The following RAB3GAP2 variants were observed in gnomAD, a reference collection of about 807,000 sequenced individuals.
RAB3GAP2 encodes the protein rab3 GTPase-activating protein non-catalytic subunit.
Under a neutral mutation model 185.3 loss-of-function variants are expected in RAB3GAP2, and 87 were observed. The ratio of observed to expected loss-of-function variants is 0.47; its 90% confidence interval spans 0.39 to 0.56. The LOEUF (loss-of-function observed/expected upper bound fraction) is 0.56. Ranked by LOEUF, RAB3GAP2 falls within the 20% of genes least tolerant of loss-of-function variation. The pLI, the probability that RAB3GAP2 is intolerant of heterozygous loss-of-function variation, is 0.00. For missense variants in RAB3GAP2, 1,492 were observed against 1,638.2 expected (o/e 0.91, Z 1.54); for synonymous variants, 554 against 576.1 (o/e 0.96, Z 0.55).
chr1:220,215,855 C>A (rs1659190658), intron 2 of RAB3GAP2, among the ~76,000 whole-genome samples: 1 of 152,020 alleles, frequency 6.6e-6, no homozygotes, highest in Non-Finnish European at 1.5e-5. Context: ...GAGGGGAAAG[C>A]TATGCAGGTT....
chr1:220,240,230 T>C (rs1015644839), intron 1 of RAB3GAP2, among the ~76,000 whole-genome samples: 3 of 152,190 alleles, frequency 2.0e-5, no homozygotes, highest in African/African-American at 7.2e-5. Flanking sequence ...AAAGTGGCCA[T>C]GTTACAACTG....
chr1:220,179,459 G>A (rs964851697), intron 21 of RAB3GAP2, among the ~76,000 whole-genome samples: 4 of 152,130 alleles, frequency 2.6e-5, no homozygotes, highest in Admixed American at 2.0e-4. Flanking sequence ...GGAATGGACA[G>A]ATCTTCCAGG....
intron 1 of RAB3GAP2, among the ~76,000 whole-genome samples, chr1:220,263,183 T>C (rs1469150209): frequency 6.6e-6 from 1 of 152,144 alleles, no homozygotes; most frequent in Non-Finnish European, 1.5e-5. Context: ...GAATTCTTTA[T>C]ATATTCTGGA....
In RAB3GAP2 at chr1:220,172,846, T is replaced by A. The variant is rs935337514; in HGVS notation, c.2311-104A>T. 3 of 745,234 alleles carry A rather than the reference T, an allele frequency of 4.0e-6. No individual in the cohort carries two copies. The Admixed American group carries it at 6.5e-5, about 16-fold the overall frequency. The allele number at this position is 745,234 out of a possible 1,614,324, so 46.2% of individuals were successfully genotyped here. A position where few individuals can be genotyped will look rare whatever the true frequency, so the allele number is the denominator to read the frequency against. On this transcript the variant is annotated intron_variant, in intron 21 of 34. Transcript: ENST00000358951. ...ATGCATGCATATGGATGATGCAGCT[T>A]CTTGAGGTGAAAAAATTAGTGGTTG...
chr1:220,223,653 C>T (rs1659349023), intron 2 of RAB3GAP2, among the ~76,000 whole-genome samples: 1 of 149,804 alleles, frequency 6.7e-6, no homozygotes, highest in South Asian at 2.1e-4. Context: ...TTTCCCAATA[C>T]AATATTTGTT....
Position 220,174,116 on chromosome 1 carries a change from A to G in RAB3GAP2, c.2311-1374T>C, listed in dbSNP as rs563392196. On this transcript the variant is annotated intron_variant, in intron 21 of 34. Transcript: ENST00000358951. ...TAAAAAAAAGAACTAAAATTTGAAA[A>G]TAAACCTGCCTGATTCTATTAATAA... Among the ~76,000 whole-genome samples, 5 of 152,224 alleles carry G rather than the reference A, an allele frequency of 3.3e-5. No homozygotes were observed. The East Asian group carries it at 9.6e-4, about 29-fold the overall frequency.
At chr1:220,213,715 G>C in intron 3 of RAB3GAP2, 141 bp downstream of exon 3, 1 of 753,784 alleles carries the variant, frequency 1.3e-6, no homozygotes, top group Non-Finnish European at 2.0e-6. Context: ...GAGGGAGGGA[G>C]GGGGCGGAGG....
chr1:220,205,346 G>A (rs185121833), intron 8 of RAB3GAP2, among the ~76,000 whole-genome samples: 29 of 152,212 alleles, frequency 1.9e-4, no homozygotes, highest in South Asian at 1.2e-3. Flanking sequence ...TCTCCATTCT[G>A]AGTGTTCTGA....
chr1:220,253,978 A>T (rs1659986728), intron 1 of RAB3GAP2: 1 of 1,613,650 alleles, frequency 6.2e-7, no homozygotes, highest in Non-Finnish European at 8.5e-7. Flanking sequence ...TTGGAAGAAA[A>T]GGGCCCGGGT....
chr1:220,263,975 T>C (rs1041582526), intron 1 of RAB3GAP2, among the ~76,000 whole-genome samples: 6 of 152,026 alleles, frequency 3.9e-5, no homozygotes, highest in Non-Finnish European at 7.4e-5. Flanking sequence ...ATAAAACTAT[T>C]ATTACTTTTT....
chr1:220,235,497 T>C (rs557114312), intron 1 of RAB3GAP2, among the ~76,000 whole-genome samples: 6 of 152,298 alleles, frequency 3.9e-5, no homozygotes, highest in Admixed American at 1.3e-4. Flanking sequence ...ATTACCACAA[T>C]CTCGAAAAGA....
At chr1:220,270,828 T>G (rs1312603251) in intron 1 of RAB3GAP2, among the ~76,000 whole-genome samples, 1 of 152,242 alleles carries the variant, frequency 6.6e-6, no homozygotes, top group Admixed American at 6.5e-5. Flanking sequence ...ATTTCTCTAC[T>G]TAAACTTTCA....
At chr1:220,225,889 T>C (rs1265735261) in intron 2 of RAB3GAP2, among the ~76,000 whole-genome samples, 1 of 152,182 alleles carries the variant, frequency 6.6e-6, no homozygotes, top group African/African-American at 2.4e-5. Flanking sequence ...CATTTTCCAG[T>C]ATCATCCCAG....
chr1:220,209,886 G>T (rs1558156603), intron 7 of RAB3GAP2, among the ~76,000 whole-genome samples: 1 of 152,130 alleles, frequency 6.6e-6, no homozygotes, highest in Non-Finnish European at 1.5e-5. Context: ...TAGAGCCTTG[G>T]ATACTAAACA....
chr1:220,257,133 T>C (rs1019661125), intron 1 of RAB3GAP2, among the ~76,000 whole-genome samples: 6 of 151,916 alleles, frequency 3.9e-5, no homozygotes, highest in African/African-American at 1.2e-4. Context: ...AATCCCAGCA[T>C]TTTGGGAGGC....
At chr1:220,255,908 T>G (rs1296077597) in intron 1 of RAB3GAP2, among the ~76,000 whole-genome samples, 1 of 151,936 alleles carries the variant, frequency 6.6e-6, no homozygotes, top group Non-Finnish European at 1.5e-5. Context: ...AGGCCAACAT[T>G]CAAACTCAGG....
At chr1:220,162,607 G>C (rs1172846594) in intron 27 of RAB3GAP2, among the ~76,000 whole-genome samples, 1 of 152,098 alleles carries the variant, frequency 6.6e-6, no homozygotes, top group African/African-American at 2.4e-5. Flanking sequence ...ATAATACCAA[G>C]TATTAGTGAG....
intron 6 of RAB3GAP2, 51 bp from the exon 7 acceptor site, chr1:220,210,540 T>TGCTAAGGTATATTGG: frequency 7.2e-7 from 1 of 1,386,184 alleles, no homozygotes; most frequent in Non-Finnish European, 1.0e-6. Context: ...CCAATATACC[T>TGCTAAGGTATATTGG]TAGCAGGTAT....
chr1:220,151,895 C>A, intron 33 of RAB3GAP2, 131 bp from the exon 34 acceptor site: 1 of 970,850 alleles, frequency 1.0e-6, no homozygotes, highest in African/African-American at 1.6e-5. Context: ...TGATTGTATA[C>A]AACCAAAGAT....
Sources: gnomAD v4.1 joint callset for allele counts (sites outside exome capture counted in the v4.1 genomes callset) on GRCh38, gnomAD v4.1.1 for gene constraint, MANE v1.5 for transcripts, NCBI Gene and HGNC (gene_info 2026-07-23, HGNC 2026-07-21) for gene names.